Variants in ATG2B observed in about 807,000 individuals in gnomAD.
ATG2B encodes the protein autophagy related 2B.
A neutral mutation model predicts 241.3 loss-of-function variants in ATG2B; 121 were observed. The ratio of observed to expected loss-of-function variants is 0.50; its 90% CI spans 0.43 to 0.58. ATG2B has a LOEUF of 0.58. Among genes scored for constraint, ATG2B ranks in the 20% least tolerant of loss-of-function variants. The pLI, the probability that ATG2B is intolerant of heterozygous loss-of-function variation, is 0.00. For synonymous variants in ATG2B, 858 were observed against 876.6 expected (o/e 0.98, Z 0.37); for missense variants, 2,306 against 2,491.6 (o/e 0.93, Z 1.59).
chr14:96,318,654 C>A (rs545631221), intron 18 of ATG2B, among the ~76,000 whole-genome samples: 1 of 152,236 alleles, frequency 6.6e-6, no homozygotes, highest in South Asian at 2.1e-4. Context: ...TACTGGCAAC[C>A]AATGGGAAGG....
chr14:96,308,282 ATTTT>A (rs71731196), intron 29 of ATG2B, among the ~76,000 whole-genome samples: 7 of 37,026 alleles, frequency 1.9e-4, no homozygotes, highest in African/African-American at 6.2e-4. Flanking sequence ...ATATATATAT[ATTTT>A]TTTTTTTTTT....
In ATG2B at chr14:96,332,395, C is replaced by T; in HGVS notation, c.1378G>A (p.Gly460Arg). ...LSATVLQPTWGEFLDHHKEQP... is the reference protein window; with the variant it reads ...LSATVLQPTWREFLDHHKEQP... ...TCTTTATGATGATCAAGGAACTCTC[C>T]CCAAGTGGGCTGAAGCTATAAAAGA... Residue 460 changes from glycine to arginine, a missense_variant, in exon 10 of 42, where the codon GGA (glycine) becomes AGA (arginine). Gly to Arg is a moderately radical substitution (Grantham distance 125, BLOSUM62 -2). This residue lies in a region of ATG2B where 1,927 missense variants were observed against 2,011.2 expected (regional missense o/e 0.96). Coordinates refer to ENST00000359933, the MANE Select transcript of ATG2B (RefSeq NM_018036.7). 6.2e-7 allele frequency: 1 copy of T among 1,613,726 alleles called. No homozygotes were observed. The highest frequency in any genetic ancestry group is 8.5e-7 in the Non-Finnish European group (1 of 1,179,760).
intron 29 of ATG2B, among the ~76,000 whole-genome samples, chr14:96,308,305 G>A (rs1410844280): frequency 1.4e-5 from 1 of 69,934 alleles, no homozygotes; most frequent in Non-Finnish European, 2.7e-5. Flanking sequence ...TTTTTTTTGA[G>A]ACAGAATCTC....
In ATG2B at chr14:96,333,854, C is replaced by A; in HGVS notation, c.1041G>T (p.Gly347=). The change falls in exon 8 of 42, where the codon GGG becomes GGT. Residue 347 remains glycine, a synonymous_variant. Coordinates refer to ENST00000359933, the MANE Select transcript of ATG2B (RefSeq NM_018036.7). ...IAGPENSSKI[G]LANKDRKNRP... is the part of the protein sequence containing the mutation. ...GATTTTTCCTATCTTTATTAGCTAA[C>A]CCTATTTTGCTAGAATTTTCTATAA... 1 of 1,613,380 alleles carries A rather than the reference C, an allele frequency of 6.2e-7. No individual in the cohort carries two copies. Among genetic ancestry groups the A allele is most frequent in the South Asian group, 1.1e-5 (1 of 91,030 alleles).
At chr14:96,333,969 CTT>C in intron 7 of ATG2B, 96 bp from the exon 8 acceptor site, 1 of 1,007,534 alleles carries the variant, frequency 9.9e-7, no homozygotes. Flanking sequence ...ACAATGGCAA[CTT>C]AACACCACAG....
Position 96,289,631 on chromosome 14 carries a change from T to C in ATG2B, c.6006+25A>G, listed in dbSNP as rs2139835246. The C allele has an allele frequency of 1.9e-6, 3 of 1,613,470 alleles. No homozygotes were observed. The highest frequency in any genetic ancestry group is 2.5e-6 in the Non-Finnish European group (3 of 1,179,686). On this transcript the variant is annotated intron_variant, in intron 41 of 41. Transcript: ENST00000359933. This position sits in a 1 kb window ranked among gnomAD's most constrained non-coding sequence, Gnocchi z 4.3. ...GGGAAAGCGCACAGAAGGGTTCTGA[T>C]GTGTCCACCCAAGTATTCAGTTACC... is the stretch of plus-strand genomic sequence containing the variant.
intron 1 of ATG2B, among the ~76,000 whole-genome samples, chr14:96,359,854 T>C (rs1421732072): frequency 6.6e-6 from 1 of 152,244 alleles, no homozygotes; most frequent in African/African-American, 2.4e-5. Context: ...AAATGAGACA[T>C]TCTATATTAA....
chr14:96,302,241 T>C, intron 33 of ATG2B, 133 bp from the exon 34 acceptor site: 1 of 608,340 alleles, frequency 1.6e-6, no homozygotes, highest in South Asian at 2.2e-5. Context: ...TTACCCTCTT[T>C]CCTTAAAAGT....
At position 96,307,959 on chromosome 14, in the gene ATG2B, G is replaced by C. The variant is rs550687064; in HGVS notation, c.4304-1043C>G. On this transcript the variant is annotated intron_variant, in intron 29 of 41. Transcript: ENST00000359933. The stretch of plus-strand genomic sequence containing the variant: ...GTGATGAGGCTGAGAACACTAAGCT[G>C]AATCAAGAGACATACTGGCTTTAAG... Among the ~76,000 whole-genome samples the C allele has an allele frequency of 4.0e-5, 6 of 151,758 alleles. No individual in the cohort carries two copies. In the East Asian group the frequency reaches 1.2e-3, roughly 29 times the overall value.
intron 11 of ATG2B, 65 bp from the exon 12 acceptor site, chr14:96,329,699 T>G: frequency 9.2e-7 from 1 of 1,091,810 alleles, no homozygotes; most frequent in East Asian, 2.5e-5. Context: ...CCACCTAGTC[T>G]GACAAGTTCA....
rs1246163851 is a variant in ATG2B at position 96,315,366 on chromosome 14, A to G, written c.3561+18T>C. ...CTAGAATCAAATCAACAGTGGCATA[A>G]AAGTACAAAACACAAACCTTTGTAT... On this transcript the variant is annotated intron_variant, in intron 22 of 41. Transcript: ENST00000359933. The G allele has an allele frequency of 3.7e-6, 6 of 1,610,704 alleles. No homozygotes were observed. Among genetic ancestry groups the G allele is most frequent in the Non-Finnish European group, 5.1e-6 (6 of 1,177,398 alleles).
chr14:96,306,821 G>A lies in ATG2B; in HGVS notation c.4399C>T (p.Pro1467Ser), dbSNP rs1029706253. ...ESGNVSQESG[P>S]TYASFSHHFI... ...TGGTGAGAGAATGAGGCATAGGTGG[G>A]GCCGGACTCCTGGGATACATTCCCA... The change falls in exon 30 of 42, where the codon CCC becomes TCC. Residue 1467 changes from proline (P) to serine (S), a missense_variant. Pro to Ser is a moderately conservative substitution (Grantham distance 74). Transcript: ENST00000359933. The A allele has an allele frequency of 6.2e-7, 1 of 1,613,894 alleles. No individual in the cohort carries two copies.
chr14:96,324,109 C>T, intron 15 of ATG2B, 111 bp from the exon 16 acceptor site: 1 of 668,120 alleles, frequency 1.5e-6, no homozygotes. Flanking sequence ...TTAAGTTCTA[C>T]AGCATTTTTC....
chr14:96,332,745 C>A lies in ATG2B; in HGVS notation c.1208-90G>T, dbSNP rs945922580. 14 of 1,085,104 alleles carry A rather than the reference C, an allele frequency of 1.3e-5. No homozygotes were observed. The Admixed American group carries it at 4.0e-4, about 31-fold the overall frequency. 67.2% of individuals were successfully genotyped at this position (1,085,104 alleles called of 1,614,324 possible). On this transcript the variant is annotated intron_variant, in intron 8 of 41. Transcript: ENST00000359933. ...TAATATACGTTAATACAATCCTCTTCCTTCAGATTATATGAGATACAGCGA... is the reference window on the plus strand; with the variant it reads ...TAATATACGTTAATACAATCCTCTTACTTCAGATTATATGAGATACAGCGA...
At chr14:96,292,879 T>C (rs540668108) in intron 36 of ATG2B, 4 of 152,370 alleles carry the variant, frequency 2.6e-5, no homozygotes, top group Non-Finnish European at 4.4e-5. Flanking sequence ...TAAAATGGGA[T>C]AGTATTTGCA....
intron 1 of ATG2B, 132 bp downstream of exon 1, chr14:96,362,683 T>C: frequency 1.1e-6 from 1 of 881,194 alleles, no homozygotes; most frequent in Non-Finnish European, 1.7e-6. Flanking sequence ...CACATTTCTC[T>C]GAGCCGTGTC....
chr14:96,340,676 G>A (rs1296855181), intron 6 of ATG2B, among the ~76,000 whole-genome samples: 1 of 152,102 alleles, frequency 6.6e-6, no homozygotes, highest in African/African-American at 2.4e-5. Flanking sequence ...ACTTTGGGAG[G>A]CTGAGCAAGA....
chr14:96,329,450 A>C, intron 12 of ATG2B, 34 bp downstream of exon 12: 1 of 1,458,964 alleles, frequency 6.9e-7, no homozygotes, highest in Non-Finnish European at 9.2e-7. Context: ...TAGATTTAAA[A>C]AATAATCTTA....
Position 96,308,284 on chromosome 14 carries a change from T to TATATATATATATA in ATG2B, c.4303+1168_4303+1169insTATATATATATAT, listed in dbSNP as rs1566720015. On this transcript the variant is annotated intron_variant, in intron 29 of 41. Coordinates refer to ENST00000359933, the MANE Select transcript of ATG2B (RefSeq NM_018036.7). ...TATATATATATATATATATATATAT[T>TATATATATATATA]TTTTTTTTTTTTTTTTTTGAGACAG... Among the ~76,000 whole-genome samples, 246 of 42,968 alleles carry TATATATATATATA rather than the reference T, an allele frequency of 5.7e-3. 13 individuals carry two copies. The highest frequency in any genetic ancestry group is 7.7e-3 in the Non-Finnish European group (186 of 24,198). 28.2% of individuals were successfully genotyped at this position (42,968 alleles called of 152,430 possible).
Sources: gnomAD v4.1 joint callset for allele counts (sites outside exome capture counted in the v4.1 genomes callset) on GRCh38, gnomAD v4.1.1 for gene constraint, gnomAD v4.1.1 regional missense constraint, Gnocchi (gnomAD v3.1) non-coding constraint, MANE v1.5 for transcripts, NCBI Gene and HGNC (gene_info 2026-07-23, HGNC 2026-07-21) for gene names.